TRMT11: variants seen among roughly 807,000 people sequenced by gnomAD.
The protein encoded by TRMT11 is tRNA (guanine(10)-N(2))-methyltransferase TRMT11.
TRMT11 carries 53 observed loss-of-function variants against 62.8 expected under a neutral mutation model. The observed-to-expected ratio is 0.84, with a 90% CI of 0.68 to 1.06. The LOEUF is 1.06. TRMT11 is among the 50% of genes least tolerant of loss of function. The probability of loss-of-function intolerance (pLI) is 0.00; values close to 1 mark genes in which losing one functional copy is unlikely to be tolerated. For missense variants in TRMT11, 556 were observed against 553.4 expected (o/e 1.00, Z -0.05); for synonymous variants, 188 against 190.3 (o/e 0.99, Z 0.10).
chr6:126,097,472 C>A (rs1467692713), intron 17 of TRMT11, among the ~76,000 whole-genome samples: 1 of 152,142 alleles, frequency 6.6e-6, no homozygotes, highest in African/African-American at 2.4e-5. Flanking sequence ...GAGCATTTTA[C>A]ATCATTTTGG....
At position 126,021,030 on chromosome 6, in the gene TRMT11, G is replaced by A. The variant is rs886966738; in HGVS notation, c.1140-130G>A. The A allele has an allele frequency of 3.9e-6, 4 of 1,012,810 alleles. No individual in the cohort carries two copies. In the African/African-American group the frequency reaches 4.8e-5, roughly 12 times the overall value. The allele number at this position is 1,012,810 out of a possible 1,614,324, so 62.7% of individuals were successfully genotyped here. A position where few individuals can be genotyped will look rare whatever the true frequency, so the allele number is the denominator to read the frequency against. On this transcript the variant is annotated intron_variant, in intron 11 of 12. Coordinates refer to ENST00000334379, the MANE Select transcript of TRMT11 (RefSeq NM_001031712.3). ...CTTATAGATAGTTTATGGATCATGT[G>A]GACAGTTAGCATATGTGGGGAAAAA... is the stretch of plus-strand genomic sequence containing the variant.
At chr6:126,047,228 C>G (rs1776086592) in intron 16 of TRMT11, among the ~76,000 whole-genome samples, 1 of 151,834 alleles carries the variant, frequency 6.6e-6, no homozygotes, top group South Asian at 2.1e-4. Flanking sequence ...TGGGAACAGG[C>G]ATTCCTGTTT....
intron 4 of TRMT11, 41 bp from the exon 5 acceptor site, chr6:125,998,182 A>G (rs1791903648): frequency 1.3e-6 from 2 of 1,594,850 alleles, no homozygotes; most frequent in Admixed American, 3.3e-5. Flanking sequence ...CAGATTCTGT[A>G]GAATTAAAAT....
the TRMT11 span, among the ~76,000 whole-genome samples, chr6:126,213,727 G>C: frequency 1.3e-5 from 2 of 151,856 alleles, no homozygotes; most frequent in African/African-American, 4.8e-5. Context: ...TTCCAATTTG[G>C]ATGCCCTTTA....
Position 126,156,963 on chromosome 6 carries a change from G to T in TRMT11, c.*1824-17862G>T, listed in dbSNP as rs116123873. On this transcript the variant is annotated intron_variant and NMD_transcript_variant, in intron 21 of 22. Coordinates refer to the TRMT11 transcript ENST00000648977. ...CTCAGCGGTGGAATCTGCCTCTTCA[G>T]CTGGGTCCACTCCTGCTGCCATTGT... 5.2e-3 allele frequency among the ~76,000 whole-genome samples: 793 copies of T among 152,262 alleles called. 5 individuals carry two copies. The highest frequency in any genetic ancestry group is 0.018 in the African/African-American group (755 of 41,546).
intron 17 of TRMT11, among the ~76,000 whole-genome samples, chr6:126,101,540 T>C (rs151035194): frequency 0.012 from 1,796 of 152,314 alleles, 29 homozygotes; most frequent in African/African-American, 0.041. Flanking sequence ...GTTGTAGAGA[T>C]GGAATTCAAG....
intron 16 of TRMT11, among the ~76,000 whole-genome samples, chr6:126,049,870 T>C (rs913195688): frequency 2.0e-5 from 3 of 152,140 alleles, no homozygotes; most frequent in East Asian, 1.9e-4. Flanking sequence ...ATGTGAATAG[T>C]GTGAGGAAAG....
intron 17 of TRMT11, among the ~76,000 whole-genome samples, chr6:126,079,294 C>A (rs1023306662): frequency 6.6e-6 from 1 of 152,160 alleles, no homozygotes; most frequent in Non-Finnish European, 1.5e-5. Flanking sequence ...CATGAAACTT[C>A]TGCAAATTTA....
intron 12 of TRMT11, among the ~76,000 whole-genome samples, chr6:126,022,443 G>A (rs147145385): frequency 4.9e-4 from 74 of 152,204 alleles, no homozygotes; most frequent in Non-Finnish European, 8.7e-4. Flanking sequence ...ACTAATATTT[G>A]TACAGTGCCT....
chr6:126,129,726 A>G (rs113250242), intron 21 of TRMT11, among the ~76,000 whole-genome samples: 1 of 152,082 alleles, frequency 6.6e-6, no homozygotes, highest in Non-Finnish European at 1.5e-5. Flanking sequence ...AGGTATTACT[A>G]TGTTGCCCAG....
chr6:126,186,185 T>C (rs1778525564), intron 1 of TRMT11, among the ~76,000 whole-genome samples: 1 of 152,206 alleles, frequency 6.6e-6, no homozygotes, highest in Non-Finnish European at 1.5e-5. Flanking sequence ...AATAACATAA[T>C]ATAGGCAGCT....
chr6:126,258,517 C>A, the TRMT11 span, among the ~76,000 whole-genome samples: 3 of 152,342 alleles, frequency 2.0e-5, no homozygotes, highest in Non-Finnish European at 4.4e-5. Flanking sequence ...CAGGTCTGCC[C>A]TTGCTGCGCC....
chr6:126,002,350 A>G (rs145208760), intron 7 of TRMT11, among the ~76,000 whole-genome samples: 3 of 152,276 alleles, frequency 2.0e-5, no homozygotes, highest in African/African-American at 7.2e-5. Flanking sequence ...CCTTTTGACT[A>G]CCCTATTCTA....
chr6:126,132,221 G>A (rs1011499503), intron 21 of TRMT11, among the ~76,000 whole-genome samples: 3 of 152,056 alleles, frequency 2.0e-5, no homozygotes, highest in African/African-American at 7.2e-5. Flanking sequence ...ATTATCATCT[G>A]TATGTGTATG....
At chr6:126,006,341 C>G (rs958697322) in intron 7 of TRMT11, among the ~76,000 whole-genome samples, 3 of 151,794 alleles carry the variant, frequency 2.0e-5, no homozygotes, top group Non-Finnish European at 4.4e-5. Context: ...CATTTCTCCA[C>G]GTTTGCAAAG....
chr6:126,122,476 T>C (rs941299569), intron 21 of TRMT11, among the ~76,000 whole-genome samples: 1 of 152,134 alleles, frequency 6.6e-6, no homozygotes, highest in African/African-American at 2.4e-5. Flanking sequence ...CCTGAAAATA[T>C]TATATGTAAG....
At chr6:126,183,278 A>C (rs1778488101) in intron 1 of TRMT11, among the ~76,000 whole-genome samples, 2 of 152,144 alleles carry the variant, frequency 1.3e-5, no homozygotes, top group African/African-American at 4.8e-5. Flanking sequence ...CAACAAAGGA[A>C]CTGTAAGACT....
chr6:126,261,008 A>T, the TRMT11 span, among the ~76,000 whole-genome samples: 1 of 152,152 alleles, frequency 6.6e-6, no homozygotes, highest in Non-Finnish European at 1.5e-5. Flanking sequence ...TATTTCATTA[A>T]ATAGGTTTTC....
chr6:126,143,431 G>A (rs964347273), intron 21 of TRMT11, among the ~76,000 whole-genome samples: 1 of 152,078 alleles, frequency 6.6e-6, no homozygotes, highest in Admixed American at 6.6e-5. Context: ...GTTAGAAGTT[G>A]TTTTTTGAAA....
Sources: allele counts gnomAD v4.1 joint callset (sites outside exome capture counted in the v4.1 genomes callset), GRCh38; gene constraint gnomAD v4.1.1; transcripts MANE v1.5; gene names NCBI Gene and HGNC (gene_info 2026-07-23, HGNC 2026-07-21).